ENPP6: variants seen among roughly 807,000 people sequenced by gnomAD.
The protein encoded by ENPP6 is ectonucleotide pyrophosphatase/phosphodiesterase 6.
Under a neutral mutation model 42.0 loss-of-function variants are expected in ENPP6, and 32 were observed. The ratio of observed to expected loss-of-function variants is 0.76; its 90% CI spans 0.58 to 1.02. The LOEUF (loss-of-function observed/expected upper bound fraction) is 1.02, where lower values mean the gene tolerates loss of function less well. ENPP6 is among the 50% of genes least tolerant of loss of function. The probability of loss-of-function intolerance (pLI) is 0.00; values close to 1 mark genes in which losing one functional copy is unlikely to be tolerated. For missense variants in ENPP6, 552 were observed against 566.8 expected (o/e 0.97, Z 0.27); for synonymous variants, 213 against 216.0 (o/e 0.99, Z 0.12).
chr4:184,168,353 A>C (rs62340156), intron 1 of ENPP6, among the ~76,000 whole-genome samples: 21,611 of 152,174 alleles, frequency 0.14, 1,858 homozygotes, highest in African/African-American at 0.22. Flanking sequence ...CACTTTGAAA[A>C]ATCCTCTTCT....
chr4:184,106,554 G>T (rs935629221), intron 6 of ENPP6, among the ~76,000 whole-genome samples: 3 of 151,872 alleles, frequency 2.0e-5, no homozygotes, highest in African/African-American at 7.3e-5. Context: ...TCCTCTTCCC[G>T]CCTGACCACT....
At position 184,183,374 on chromosome 4, in the gene ENPP6, T is replaced by C. The variant is rs117822247; in HGVS notation, c.242-29641A>G. Among the ~76,000 whole-genome samples, 249 of 152,344 alleles carry C rather than the reference T, an allele frequency of 1.6e-3. 4 individuals are homozygous for C. In the East Asian group the frequency reaches 0.042, roughly 25 times the overall value. On this transcript the variant is annotated intron_variant, in intron 1 of 7. Coordinates refer to ENST00000296741, the MANE Select transcript of ENPP6 (RefSeq NM_153343.4). ...CATGAATATTGTAAGCGTAGACACT[T>C]CCCACCATTGACAGGTATGTTAAGA...
chr4:184,192,190 AAATT>A (rs1027910391), intron 1 of ENPP6, among the ~76,000 whole-genome samples: 1 of 152,238 alleles, frequency 6.6e-6, no homozygotes, highest in African/African-American at 2.4e-5. Flanking sequence ...AAAAAGAACA[AAATT>A]AAAGGATTTA....
At chr4:184,133,835 T>C (rs1210298802) in intron 2 of ENPP6, among the ~76,000 whole-genome samples, 1 of 151,998 alleles carries the variant, frequency 6.6e-6, no homozygotes, top group Non-Finnish European at 1.5e-5. Flanking sequence ...GATGATTTTC[T>C]CTTTCATTCT....
rs1361290432 is a variant in ENPP6, at chr4:184,153,130, T to TC, written c.421+423_421+424insG. 1.8e-4 allele frequency among the ~76,000 whole-genome samples: 27 copies of TC among 151,604 alleles called. No homozygotes were observed. In the East Asian group the frequency reaches 2.7e-3, roughly 15 times the overall value. On this transcript the variant is annotated intron_variant, in intron 2 of 7. Coordinates refer to ENST00000296741, the MANE Select transcript of ENPP6 (RefSeq NM_153343.4). ...CCCATAAGACATATTTCTTTTCTTTTTCTTTTTTTTTCAAGATTGAGTTTT... is the reference window on the plus strand; with the variant it reads ...CCCATAAGACATATTTCTTTTCTTTTCTCTTTTTTTTTCAAGATTGAGTTTT...
Position 184,091,242 on chromosome 4 carries a change from T to C in ENPP6, c.1258A>G (p.Thr420Ala). The change falls in exon 8 of 8, where the codon ACT becomes GCT. Residue 420 changes from threonine to alanine, a missense_variant. Physicochemically the swap from Thr to Ala is moderately conservative, Grantham distance 58. Coordinates refer to ENST00000296741, the MANE Select transcript of ENPP6 (RefSeq NM_153343.4). ...TGGCTGGGCCAGACAGGCGGGGCAGTGCTGGCGCGGCCCTTCAGCATGCAC... is the reference window on the plus strand; with the variant it reads ...TGGCTGGGCCAGACAGGCGGGGCAGCGCTGGCGCGGCCCTTCAGCATGCAC... Reference protein sequence around the residue: ...VMCMLKGRASTAPPVWPSHCA... With the variant: ...VMCMLKGRASAAPPVWPSHCA... 1 of 1,596,028 alleles carries C rather than the reference T, an allele frequency of 6.3e-7. No individual in the cohort carries two copies. Among genetic ancestry groups the C allele is most frequent in the Admixed American group, 1.7e-5 (1 of 59,098 alleles).
chr4:184,139,463 G>A (rs1374268399), intron 2 of ENPP6, among the ~76,000 whole-genome samples: 2 of 143,868 alleles, frequency 1.4e-5, no homozygotes, highest in East Asian at 2.1e-4. Flanking sequence ...CCACTAACTC[G>A]TCATCTAGCA....
Position 184,124,263 on chromosome 4 carries a change from A to C in ENPP6, c.431T>G (p.Val144Gly), listed in dbSNP as rs757731921. 10 of 1,612,922 alleles carry C rather than the reference A, an allele frequency of 6.2e-6. No individual in the cohort carries two copies. The South Asian group carries it at 6.6e-5, about 11-fold the overall frequency. ...VYMYYWPGCE[V>G]EILGVRPTYC... ...GGTGGGTCTGACACCCAGAATCTCA[A>C]CCTCACAGCCTGAGAAGGAAAAAGA... Residue 144 changes from valine to glycine, a missense_variant, in exon 3 of 8, where the codon GTT becomes GGT. Transcript: ENST00000296741.
At position 184,153,603 on chromosome 4, in the gene ENPP6, C is replaced by T. The variant is rs774191738; in HGVS notation, c.372G>A (p.Trp124Ter). 6.2e-7 allele frequency: 1 copy of T among 1,613,990 alleles called. No homozygotes were observed. Among genetic ancestry groups the T allele is most frequent in the Non-Finnish European group, 8.5e-7 (1 of 1,180,020 alleles). ...PLWWNGSEPL[W>*]VTLTKAKRKV... is the part of the protein sequence containing the mutation. ...TCCTTTTGGCCTTGGTCAGAGTGACCCACAGAGGTTCTGATCCATTCCACC... is the reference window on the plus strand; with the variant it reads ...TCCTTTTGGCCTTGGTCAGAGTGACTCACAGAGGTTCTGATCCATTCCACC... The change falls in exon 2 of 8, where the codon TGG (tryptophan) becomes TGA (stop). Residue 124 changes from tryptophan to a stop codon, truncating the protein, a stop_gained. Transcript: ENST00000296741. LOFTEE classifies it high-confidence loss of function.
chr4:184,194,689 C>T (rs537275160), intron 1 of ENPP6, among the ~76,000 whole-genome samples: 1 of 152,260 alleles, frequency 6.6e-6, no homozygotes, highest in South Asian at 2.1e-4. Flanking sequence ...CAACCTGTCC[C>T]GGGAGTGTAG....
intron 3 of ENPP6, among the ~76,000 whole-genome samples, chr4:184,118,854 T>C (rs775102437): frequency 6.6e-6 from 1 of 152,194 alleles, no homozygotes; most frequent in Non-Finnish European, 1.5e-5. Context: ...TAGAAGGACA[T>C]GTGGCCCCCA....
intron 2 of ENPP6, among the ~76,000 whole-genome samples, chr4:184,140,401 T>C (rs1736799983): frequency 6.6e-6 from 1 of 152,052 alleles, no homozygotes; most frequent in African/African-American, 2.4e-5. Context: ...TTAAGGTTCA[T>C]ATGGAACCAA....
chr4:184,117,136 C>A, intron 4 of ENPP6, 101 bp from the exon 5 acceptor site: 1 of 1,370,220 alleles, frequency 7.3e-7, no homozygotes, highest in South Asian at 1.3e-5. Flanking sequence ...GCTATCTCCT[C>A]AGTTCTGTGT....
intron 2 of ENPP6, among the ~76,000 whole-genome samples, chr4:184,147,161 G>C (rs546506810): frequency 2.6e-4 from 39 of 152,290 alleles, no homozygotes; most frequent in African/African-American, 8.4e-4. Flanking sequence ...AGTTCTGTGA[G>C]CAAGAAGCCC....
At chr4:184,162,698 A>G (rs1184172185) in intron 1 of ENPP6, among the ~76,000 whole-genome samples, 1 of 152,198 alleles carries the variant, frequency 6.6e-6, no homozygotes, top group Non-Finnish European at 1.5e-5. Flanking sequence ...GCATTTTGCT[A>G]TTCCCCACAC....
intron 1 of ENPP6, among the ~76,000 whole-genome samples, chr4:184,210,135 C>G (rs1194577206): frequency 6.6e-6 from 1 of 151,280 alleles, no homozygotes; most frequent in Non-Finnish European, 1.5e-5. Context: ...CAAAATCATG[C>G]CAAAGTATAA....
chr4:184,188,631 C>T (rs962004619), intron 1 of ENPP6, among the ~76,000 whole-genome samples: 10 of 152,066 alleles, frequency 6.6e-5, no homozygotes, highest in Admixed American at 4.6e-4. Context: ...CGTGGGGAGA[C>T]GATGCCACAT....
At chr4:184,202,630 T>C (rs905746386) in intron 1 of ENPP6, among the ~76,000 whole-genome samples, 11 of 152,156 alleles carry the variant, frequency 7.2e-5, no homozygotes, top group Non-Finnish European at 1.6e-4. Flanking sequence ...AATGTTCTAT[T>C]TTATCTTTTA....
intron 7 of ENPP6, among the ~76,000 whole-genome samples, chr4:184,093,838 G>A (rs1243138592): frequency 2.0e-5 from 3 of 152,118 alleles, no homozygotes; most frequent in East Asian, 1.9e-4. Flanking sequence ...TTGTTCCAGC[G>A]GCATGGAAGC....
Sources: allele counts gnomAD v4.1 joint callset (sites outside exome capture counted in the v4.1 genomes callset), GRCh38; gene constraint gnomAD v4.1.1; transcripts MANE v1.5; gene names NCBI Gene and HGNC (gene_info 2026-07-23, HGNC 2026-07-21).